Variants in CR1 observed in about 807,000 individuals in gnomAD.
CR1 encodes complement C3b/C4b receptor 1 (Knops blood group).
CR1 carries 116 observed loss-of-function variants against 187.3 expected under a neutral mutation model. The observed-to-expected ratio is 0.62, with a 90% CI of 0.53 to 0.72. The LOEUF is 0.72. Ranked by LOEUF, CR1 falls within the 30% of genes least tolerant of loss-of-function variation. The pLI is 0.00. For missense variants in CR1, 1,731 were observed against 2,110.7 expected (o/e 0.82, Z 3.52); for synonymous variants, 576 against 747.1 (o/e 0.77, Z 3.73).
chr1:207,505,511 T>C (rs1255520839), intron 1 of CR1, among the ~76,000 whole-genome samples: 1 of 152,056 alleles, frequency 6.6e-6, no homozygotes, highest in South Asian at 2.1e-4. Flanking sequence ...ATCACATCTA[T>C]GAAGTATATT....
chr1:207,617,062 A>G (rs1160240549), intron 41 of CR1, among the ~76,000 whole-genome samples: 1 of 152,080 alleles, frequency 6.6e-6, no homozygotes, highest in Non-Finnish European at 1.5e-5. Context: ...AAGAGAATTG[A>G]TGAGGTCCAG....
At position 207,589,292 on chromosome 1, in the gene CR1, G is replaced by A. The variant is rs1336924861; in HGVS notation, c.5810+518G>A. ...ACAAGTAGCCACACCAAAAGCCATT[G>A]CCTCAACTGAGAAGGGGCTTTTAAA... On this transcript the variant is annotated intron_variant, in intron 35 of 46. Transcript: ENST00000367049. Among the ~76,000 whole-genome samples the A allele has an allele frequency of 7.2e-5, 11 of 152,268 alleles. No individual in the cohort carries two copies. The East Asian group carries it at 1.7e-3, about 24-fold the overall frequency.
chr1:207,578,302 G>A (rs1194223829), intron 29 of CR1, 99 bp downstream of exon 29: 7 of 1,602,352 alleles, frequency 4.4e-6, no homozygotes, highest in Admixed American at 1.7e-5. Context: ...GTATGGTGAG[G>A]AGGGTGGGAA....
chr1:207,510,444 A>G (rs1485395517), intron 3 of CR1, among the ~76,000 whole-genome samples: 3 of 152,226 alleles, frequency 2.0e-5, no homozygotes, highest in Non-Finnish European at 2.9e-5. Context: ...AGCTATACCA[A>G]TAACCATGAC....
chr1:207,595,318 A>G (rs1459898265), intron 35 of CR1, among the ~76,000 whole-genome samples: 1 of 152,146 alleles, frequency 6.6e-6, no homozygotes. Context: ...GAATAGAAGC[A>G]TTAATTAGCA....
At chr1:207,604,674 A>G (rs1207166345) in intron 35 of CR1, among the ~76,000 whole-genome samples, 1 of 152,330 alleles carries the variant, frequency 6.6e-6, no homozygotes, top group Admixed American at 6.5e-5. Context: ...CTATTCCTGC[A>G]TCATTTCAAT....
intron 43 of CR1, 29 bp from the exon 44 acceptor site, chr1:207,621,944 A>C: frequency 6.3e-7 from 1 of 1,580,538 alleles, no homozygotes; most frequent in Non-Finnish European, 8.6e-7. Context: ...TGCCAGAGTG[A>C]TGTTTTGTGA....
At chr1:207,600,055 C>G (rs187610538) in intron 35 of CR1, among the ~76,000 whole-genome samples, 189 of 152,276 alleles carry the variant, frequency 1.2e-3, no homozygotes, top group Middle Eastern at 3.4e-3. Context: ...CATGCAATCT[C>G]TATTGCAATT....
In CR1 at chr1:207,580,426, C is replaced by G; in HGVS notation, c.5113+10C>G. ...GCCCCGAGATGTGCAGGTGCCTCAA[C>G]TCTCTGGCTTCCAGATTTCTCTCTT... On this transcript the variant is annotated intron_variant, in intron 30 of 46. Coordinates refer to ENST00000367049, the MANE Select transcript of CR1 (RefSeq NM_000651.6). 1 of 1,612,180 alleles carries G rather than the reference C, an allele frequency of 6.2e-7. No homozygotes were observed.
At position 207,626,613 on chromosome 1, in the gene CR1, G is replaced by A. The variant is rs142081503; in HGVS notation, c.7352+3545G>A. 1.2e-3 allele frequency among the ~76,000 whole-genome samples: 188 copies of A among 152,346 alleles called. 1 individual carries two copies. In the East Asian group the frequency reaches 0.022, roughly 18 times the overall value. ...AAAAAAGACTGACAGATATAGAATAGTGTAGAACAAGATGGCCTGCTCTAT... is the reference window on the plus strand; with the variant it reads ...AAAAAAGACTGACAGATATAGAATAATGTAGAACAAGATGGCCTGCTCTAT... On this transcript the variant is annotated intron_variant, in intron 45 of 46. Coordinates refer to ENST00000367049, the MANE Select transcript of CR1 (RefSeq NM_000651.6).
intron 43 of CR1, among the ~76,000 whole-genome samples, chr1:207,620,649 A>G (rs1662288531): frequency 6.6e-6 from 1 of 152,226 alleles, no homozygotes; most frequent in African/African-American, 2.4e-5. Context: ...CTCTTCTAAT[A>G]CATGGTTCTA....
At chr1:207,575,544 G>C (rs1256743822) in intron 27 of CR1, 51 bp from the exon 28 acceptor site, 1 of 1,610,726 alleles carries the variant, frequency 6.2e-7, no homozygotes, top group African/African-American at 1.3e-5. Flanking sequence ...ATGCTGTCAG[G>C]AAGTTGATGA....
At chr1:207,576,757 CT>C (rs1220478846) in intron 28 of CR1, among the ~76,000 whole-genome samples, 4 of 152,046 alleles carry the variant, frequency 2.6e-5, no homozygotes, top group Non-Finnish European at 5.9e-5. Flanking sequence ...GAGGTCGAGG[CT>C]GCAATGAGCC....
rs575251255 is a variant in CR1, at chr1:207,496,410, G to A, written c.121+22G>A. The A allele has an allele frequency of 4.0e-5, 64 of 1,591,518 alleles. No homozygotes were observed. The African/African-American group carries it at 8.2e-4, about 20-fold the overall frequency. The stretch of plus-strand genomic sequence containing the variant: ...TGGGGTGAGAGGCGGGCGGGCGTGG[G>A]GAGGCGCCCGGGCGGACGAGGAACC... On this transcript the variant is annotated intron_variant, in intron 1 of 46. Transcript: ENST00000367049.
intron 40 of CR1, among the ~76,000 whole-genome samples, chr1:207,615,555 A>G (rs756738501): frequency 6.6e-6 from 1 of 152,242 alleles, no homozygotes; most frequent in South Asian, 2.1e-4. Flanking sequence ...CATGTTTGAC[A>G]TACCAAGACA....
chr1:207,525,062 G>A (rs1191136350), intron 5 of CR1, among the ~76,000 whole-genome samples: 8 of 152,000 alleles, frequency 5.3e-5, no homozygotes, highest in Non-Finnish European at 1.0e-4. Context: ...TGGCAGGAGA[G>A]AGAGAGAGAG....
In CR1 at chr1:207,623,587, AACACACACACACACACACACAC is replaced by A. The variant is rs55918544; in HGVS notation, c.7352+549_7352+570del. On this transcript the variant is annotated intron_variant, in intron 45 of 46. Transcript: ENST00000367049. ...GTGACAGAGTGAGACTACATCTCAA[AACACACACACACACACACACAC>A]ACACACACACACACACACACACACA... Among the ~76,000 whole-genome samples, 535 of 144,136 alleles carry A rather than the reference AACACACACACACACACACACAC, an allele frequency of 3.7e-3. 5 individuals are homozygous for A. Among genetic ancestry groups the A allele is most frequent in the African/African-American group, 0.01 (387 of 38,206 alleles). 94.6% of individuals were successfully genotyped at this position (144,136 alleles called of 152,430 possible).
At chr1:207,620,502 G>T (rs1222706150) in intron 43 of CR1, among the ~76,000 whole-genome samples, 1 of 152,190 alleles carries the variant, frequency 6.6e-6, no homozygotes, top group African/African-American at 2.4e-5. Context: ...TAGAAGAGTA[G>T]CCCTCTGCTG....
chr1:207,515,210 G>A (rs1369886885), intron 4 of CR1, among the ~76,000 whole-genome samples: 1 of 128,460 alleles, frequency 7.8e-6, no homozygotes, highest in Non-Finnish European at 1.5e-5. Context: ...TACATATATA[G>A]GTATATACAT....
Sources: gnomAD v4.1 joint callset for allele counts (sites outside exome capture counted in the v4.1 genomes callset) on GRCh38, gnomAD v4.1.1 for gene constraint, MANE v1.5 for transcripts, NCBI Gene and HGNC (gene_info 2026-07-23, HGNC 2026-07-21) for gene names.